Variants in RARB observed in about 807,000 individuals in gnomAD.
The protein encoded by RARB is retinoic acid receptor beta.
Under a neutral mutation model 51.9 loss-of-function variants are expected in RARB, and 17 were observed. The observed-to-expected ratio is 0.33, with a 90% CI of 0.22 to 0.49. The LOEUF is 0.49. Among genes scored for constraint, RARB ranks in the 20% least tolerant of loss-of-function variants. The pLI, the probability that RARB is intolerant of heterozygous loss-of-function variation, is 0.99. For synonymous variants in RARB, 215 were observed against 195.4 expected (o/e 1.10, Z -0.84); for missense variants, 369 against 550.8 (o/e 0.67, Z 3.30).
chr3:25,534,543 T>C (rs1356187535), intron 3 of RARB, among the ~76,000 whole-genome samples: 1 of 152,144 alleles, frequency 6.6e-6, no homozygotes, highest in Non-Finnish European at 1.5e-5. Flanking sequence ...TTCCGTCAAG[T>C]ATCTGGGTGT....
Position 25,593,465 on chromosome 3 carries a change from A to G in RARB, c.787-38A>G, listed in dbSNP as rs376040141. The G allele has an allele frequency of 1.9e-6, 3 of 1,556,932 alleles. No individual in the cohort carries two copies. In the African/African-American group the frequency reaches 4.1e-5, roughly 21 times the overall value. On this transcript the variant is annotated intron_variant, in intron 5 of 7. Coordinates refer to ENST00000330688, the MANE Select transcript of RARB (RefSeq NM_000965.5). ...ATCTGATTGATGATTTCAGGACAGGATGGCTTAGAACATCCATCAATTTTT... is the reference window on the plus strand; with the variant it reads ...ATCTGATTGATGATTTCAGGACAGGGTGGCTTAGAACATCCATCAATTTTT...
At chr3:25,116,825 T>A (rs1468424545) in intron 3 of RARB, among the ~76,000 whole-genome samples, 1 of 152,098 alleles carries the variant, frequency 6.6e-6, no homozygotes, top group Admixed American at 6.6e-5. Context: ...CTTCTATTGC[T>A]GCATTACCCT....
At chr3:25,126,391 C>A (rs1427753505) in intron 3 of RARB, among the ~76,000 whole-genome samples, 1 of 151,512 alleles carries the variant, frequency 6.6e-6, no homozygotes, top group African/African-American at 2.4e-5. Context: ...AGCAAGCTTA[C>A]AGAAACTGCT....
At chr3:25,536,519 A>G (rs1488512338) in intron 3 of RARB, among the ~76,000 whole-genome samples, 3 of 152,228 alleles carry the variant, frequency 2.0e-5, no homozygotes, top group Admixed American at 6.5e-5. Context: ...CACTTGAAGG[A>G]GGGTAAAATG....
At chr3:25,333,535 A>G (rs1387917735) in intron 5 of RARB, among the ~76,000 whole-genome samples, 5 of 152,202 alleles carry the variant, frequency 3.3e-5, no homozygotes, top group Admixed American at 1.3e-4. Context: ...TTCAAGATGG[A>G]TTAAAGACTT....
At chr3:24,834,760 A>C (rs1702320721) in intron 1 of RARB, among the ~76,000 whole-genome samples, 3 of 152,186 alleles carry the variant, frequency 2.0e-5, no homozygotes, top group Admixed American at 1.3e-4. Flanking sequence ...TTCACAAAAG[A>C]GTAACAGGAC....
intron 2 of RARB, among the ~76,000 whole-genome samples, chr3:25,032,517 T>C (rs1449544426): frequency 6.6e-6 from 1 of 152,204 alleles, no homozygotes; most frequent in Non-Finnish European, 1.5e-5. Flanking sequence ...GAAGCAGAGA[T>C]GAGAACCTCA....
At chr3:25,072,863 C>A (rs1035374203) in intron 3 of RARB, among the ~76,000 whole-genome samples, 4 of 152,032 alleles carry the variant, frequency 2.6e-5, no homozygotes, top group Non-Finnish European at 5.9e-5. Flanking sequence ...CACCCGCCAC[C>A]ACGCCGGGCT....
At chr3:24,836,970 A>T (rs1702353135) in intron 1 of RARB, among the ~76,000 whole-genome samples, 1 of 152,218 alleles carries the variant, frequency 6.6e-6, no homozygotes, top group Admixed American at 6.5e-5. Flanking sequence ...AATAAACAGG[A>T]AGGCAAATTC....
intron 1 of RARB, among the ~76,000 whole-genome samples, chr3:24,844,217 A>C (rs1278559753): frequency 6.6e-6 from 1 of 152,222 alleles, no homozygotes; most frequent in Non-Finnish European, 1.5e-5. Context: ...CATTCTTGCC[A>C]GGAGATCTGC....
At chr3:25,090,219 A>G (rs1699172412) in intron 3 of RARB, among the ~76,000 whole-genome samples, 1 of 152,148 alleles carries the variant, frequency 6.6e-6, no homozygotes, top group Non-Finnish European at 1.5e-5. Context: ...AACTTCATTC[A>G]AAATAAACCC....
intron 5 of RARB, among the ~76,000 whole-genome samples, chr3:25,339,523 C>A (rs981903566): frequency 2.0e-5 from 3 of 151,896 alleles, no homozygotes; most frequent in Non-Finnish European, 4.4e-5. Context: ...CAGGAGGCTG[C>A]TGGAATCGCA....
chr3:25,078,710 T>C (rs1698927630), intron 3 of RARB, among the ~76,000 whole-genome samples: 1 of 152,118 alleles, frequency 6.6e-6, no homozygotes, highest in South Asian at 2.1e-4. Flanking sequence ...TTTGTATTTT[T>C]AGTAGAGAAA....
chr3:24,888,749 G>A (rs1703314580), intron 2 of RARB, among the ~76,000 whole-genome samples: 1 of 151,998 alleles, frequency 6.6e-6, no homozygotes, highest in African/African-American at 2.4e-5. Context: ...GTACATTATG[G>A]ACACACAGGA....
intron 3 of RARB, among the ~76,000 whole-genome samples, chr3:25,510,659 A>C (rs1295641918): frequency 6.6e-6 from 1 of 152,220 alleles, no homozygotes; most frequent in Non-Finnish European, 1.5e-5. Flanking sequence ...GGTTTGATTT[A>C]ACGTGTATAC....
intron 5 of RARB, among the ~76,000 whole-genome samples, chr3:25,334,429 A>G (rs1024637691): frequency 6.6e-6 from 1 of 152,192 alleles, no homozygotes; most frequent in Non-Finnish European, 1.5e-5. Context: ...TATTGCAAGG[A>G]CAGAAAAGCA....
Position 24,914,471 on chromosome 3 carries a change from ATCT to A in RARB, c.-380+55723_-380+55725del, listed in dbSNP as rs1695065340. 2.0e-5 allele frequency among the ~76,000 whole-genome samples: 3 copies of A among 152,246 alleles called. No homozygotes were observed. The South Asian group carries it at 6.2e-4, about 32-fold the overall frequency. Reference sequence around the variant, plus strand: ...ACCTTCCGGATTTGATAGATGGAACATCTTCTGCCAATTATGTGTAAAGTACAG... The same window carrying A: ...ACCTTCCGGATTTGATAGATGGAACATCTGCCAATTATGTGTAAAGTACAG... On this transcript the variant is annotated intron_variant, in intron 2 of 11. Coordinates refer to the RARB transcript ENST00000383772.
intron 2 of RARB, among the ~76,000 whole-genome samples, chr3:24,997,660 C>T (rs1454596735): frequency 6.6e-6 from 1 of 152,118 alleles, no homozygotes; most frequent in African/African-American, 2.4e-5. Context: ...GCTAGTATTA[C>T]AGGCGTGAGC....
In RARB at chr3:25,428,503, C is replaced by T. The variant is rs1431295149; in HGVS notation, c.-229C>T. The T allele has an allele frequency of 1.6e-6, 2 of 1,262,922 alleles. No homozygotes were observed. Among genetic ancestry groups the T allele is most frequent in the Non-Finnish European group, 2.0e-6 (2 of 1,005,324 alleles). The allele number at this position is 1,262,922 out of a possible 1,614,324, so 78.2% of individuals were successfully genotyped here. On this transcript the variant is annotated 5_prime_UTR_variant, in exon 1 of 8. Coordinates refer to ENST00000330688, the MANE Select transcript of RARB (RefSeq NM_000965.5). ...TCTTTCTGGGAACCCCCCGCCCCGG[C>T]TGGATTGGCCGAGCAAGCCTGGAAA... is the stretch of plus-strand genomic sequence containing the variant.
Sources: allele counts gnomAD v4.1 joint callset (sites outside exome capture counted in the v4.1 genomes callset), GRCh38; gene constraint gnomAD v4.1.1; transcripts MANE v1.5; gene names NCBI Gene and HGNC (gene_info 2026-07-23, HGNC 2026-07-21).